Variants in DPP10 observed in about 807,000 individuals in gnomAD.
DPP10 encodes dipeptidyl peptidase like 10, also known as inactive dipeptidyl peptidase 10.
DPP10 carries 33 observed loss-of-function variants against 120.9 expected under a neutral mutation model. That is an observed-to-expected ratio of 0.27 (90% CI 0.21 to 0.37). DPP10 has a LOEUF of 0.37. DPP10 is among the 10% of genes least tolerant of loss of function. The pLI, the probability that DPP10 is intolerant of heterozygous loss-of-function variation, is 1.00. For missense variants in DPP10, 816 were observed against 942.8 expected, an observed-to-expected ratio of 0.87 and a Z score of 1.76; for synonymous variants, 337 against 326.1, an observed-to-expected ratio of 1.03 and a Z score of -0.36.
chr2:114,838,590 C>A (rs1424548901), intron 1 of DPP10, among the ~76,000 whole-genome samples: 1 of 152,068 alleles, frequency 6.6e-6, no homozygotes, highest in African/African-American at 2.4e-5. Flanking sequence ...AGCCACTGTG[C>A]CCCGCCCTAA....
At chr2:115,646,535 C>T (rs1310008452) in intron 5 of DPP10, among the ~76,000 whole-genome samples, 1 of 152,158 alleles carries the variant, frequency 6.6e-6, no homozygotes, top group Non-Finnish European at 1.5e-5. Context: ...TGTAATACCA[C>T]TGAAACACAG....
At chr2:114,465,154 A>G (rs1387661535) in intron 1 of DPP10, among the ~76,000 whole-genome samples, 1 of 152,200 alleles carries the variant, frequency 6.6e-6, no homozygotes, top group Non-Finnish European at 1.5e-5. Context: ...GTGTGAACGT[A>G]GAAAAGTAAC....
intron 16 of DPP10, 78 bp downstream of exon 16, chr2:115,781,073 T>G: frequency 8.4e-7 from 1 of 1,186,290 alleles, no homozygotes. Flanking sequence ...TCAGCAACTA[T>G]TACTCTAGAT....
chr2:114,633,157 T>G (rs1159101569), intron 1 of DPP10, among the ~76,000 whole-genome samples: 2 of 150,814 alleles, frequency 1.3e-5, no homozygotes, highest in Admixed American at 6.6e-5. Flanking sequence ...AAAATGGAAA[T>G]CAATTACTTT....
intron 5 of DPP10, among the ~76,000 whole-genome samples, chr2:115,600,140 A>G (rs927145206): frequency 6.6e-6 from 1 of 152,092 alleles, no homozygotes; most frequent in Non-Finnish European, 1.5e-5. Flanking sequence ...CTTAAGGATA[A>G]ATCACCAATA....
At chr2:114,464,203 G>A (rs951642679) in intron 1 of DPP10, among the ~76,000 whole-genome samples, 1 of 152,162 alleles carries the variant, frequency 6.6e-6, no homozygotes, top group African/African-American at 2.4e-5. Context: ...CTTTCGAAGT[G>A]GCTATACCAT....
rs920554147 is a variant in DPP10 at position 115,815,003 on chromosome 2, T to C, written c.1895+16T>C. On this transcript the variant is annotated intron_variant, in intron 20 of 25. Transcript: ENST00000410059. ...CAGCTGTGAAGTAAGTGGATGCACATTTTTCTTCTCTGTTTTCTATAATGA... is the reference window on the plus strand; with the variant it reads ...CAGCTGTGAAGTAAGTGGATGCACACTTTTCTTCTCTGTTTTCTATAATGA... 7 of 1,570,238 alleles carry C rather than the reference T, an allele frequency of 4.5e-6. No individual in the cohort carries two copies. Among genetic ancestry groups the C allele is most frequent in the Non-Finnish European group, 6.1e-6 (7 of 1,148,128 alleles).
intron 1 of DPP10, among the ~76,000 whole-genome samples, chr2:114,715,646 T>G (rs772365255): frequency 1.5e-4 from 23 of 152,250 alleles, no homozygotes; most frequent in Non-Finnish European, 2.4e-4. Context: ...AAAGCTACTG[T>G]TAATCAGAAT....
intron 1 of DPP10, among the ~76,000 whole-genome samples, chr2:115,110,843 G>C (rs1177402329): frequency 6.6e-6 from 1 of 151,992 alleles, no homozygotes; most frequent in Non-Finnish European, 1.5e-5. Flanking sequence ...TAATGACATA[G>C]TGACTTACCC....
chr2:114,899,220 G>A (rs1265760517), intron 1 of DPP10, among the ~76,000 whole-genome samples: 1 of 151,828 alleles, frequency 6.6e-6, no homozygotes, highest in Non-Finnish European at 1.5e-5. Flanking sequence ...GTATTTTACA[G>A]CTAGTTGTCT....
At chr2:114,959,251 G>C (rs1376621376) in intron 1 of DPP10, among the ~76,000 whole-genome samples, 1 of 152,118 alleles carries the variant, frequency 6.6e-6, no homozygotes, top group Non-Finnish European at 1.5e-5. Flanking sequence ...CTAGTTTTAA[G>C]TATATTCACA....
At position 115,444,710 on chromosome 2, in the gene DPP10, T is replaced by C. The variant is rs527236341; in HGVS notation, c.272-54800T>C. Among the ~76,000 whole-genome samples, 31 of 152,334 alleles carry C rather than the reference T, an allele frequency of 2.0e-4. No homozygotes were observed. The South Asian group carries it at 6.4e-3, about 32-fold the overall frequency. On this transcript the variant is annotated intron_variant, in intron 3 of 25. Coordinates refer to ENST00000410059, the MANE Select transcript of DPP10 (RefSeq NM_020868.6). ...ACCCAAGTAGATAAGAGTAGTTGCA[T>C]TTAAAAAGCAGAGATTACTGCAAGT...
intron 3 of DPP10, among the ~76,000 whole-genome samples, chr2:115,464,865 G>T (rs961528464): frequency 5.3e-5 from 8 of 152,050 alleles, no homozygotes; most frequent in African/African-American, 1.9e-4. Flanking sequence ...TTGATCTAAG[G>T]TTCATACTTA....
At chr2:115,741,517 A>G (rs1179138225) in intron 9 of DPP10, among the ~76,000 whole-genome samples, 7 of 151,930 alleles carry the variant, frequency 4.6e-5, no homozygotes, top group African/African-American at 1.7e-4. Context: ...TGCCCCAAAT[A>G]TATTAATTCT....
intron 1 of DPP10, among the ~76,000 whole-genome samples, chr2:115,158,594 A>G (rs2052075288): frequency 6.6e-6 from 1 of 152,222 alleles, no homozygotes; most frequent in Non-Finnish European, 1.5e-5. Flanking sequence ...AAGTTTAGAT[A>G]TTTATAACCC....
chr2:115,123,951 CTT>C (rs35798293), intron 1 of DPP10, among the ~76,000 whole-genome samples: 30 of 141,984 alleles, frequency 2.1e-4, no homozygotes, highest in Non-Finnish European at 2.3e-4. Context: ...CTGATTATGC[CTT>C]TTTTTTTTTT....
chr2:114,454,166 G>A (rs1441518943), intron 1 of DPP10, among the ~76,000 whole-genome samples: 1 of 152,160 alleles, frequency 6.6e-6, no homozygotes, highest in African/African-American at 2.4e-5. Flanking sequence ...GCAGCTTGGT[G>A]AAGAATCGGG....
At chr2:115,520,628 C>G (rs2077751518) in intron 4 of DPP10, among the ~76,000 whole-genome samples, 1 of 152,094 alleles carries the variant, frequency 6.6e-6, no homozygotes. Context: ...TCTGCCGTTT[C>G]TCAATGTTAA....
intron 1 of DPP10, among the ~76,000 whole-genome samples, chr2:115,010,306 C>A (rs1471955491): frequency 6.6e-6 from 1 of 152,090 alleles, no homozygotes; most frequent in Non-Finnish European, 1.5e-5. Flanking sequence ...ATATTGTTTG[C>A]GACTAAGCAC....
Sources: gnomAD v4.1 joint callset for allele counts (sites outside exome capture counted in the v4.1 genomes callset) on GRCh38, gnomAD v4.1.1 for gene constraint, MANE v1.5 for transcripts, NCBI Gene and HGNC (gene_info 2026-07-23, HGNC 2026-07-21) for gene names.